Variants in MCPH1 observed in about 807,000 individuals in gnomAD.
MCPH1 encodes microcephalin 1.
In MCPH1, 104 loss-of-function variants were observed where a neutral mutation model predicts 84.5. The ratio of observed to expected loss-of-function variants is 1.23; its 90% confidence interval spans 1.05 to 1.45. The LOEUF is 1.45. Among genes scored for constraint, MCPH1 ranks in the 40% most tolerant of loss-of-function variants. The pLI is 0.00. For synonymous variants in MCPH1, 514 were observed against 366.8 expected, an observed-to-expected ratio of 1.40 and a Z score of -4.58; for missense variants, 1,498 against 1,005.7, an observed-to-expected ratio of 1.49 and a Z score of -6.62.
rs775640880 is a variant in MCPH1, at chr8:6,436,070, AT to A, written c.348del (p.Phe116LeufsTer30). Reference sequence around the variant, plus strand: ...CAGCGTAAATGTATGCAGCCCAAAGATTTTAATTTTAAAACACCAGAAAATG... The same window carrying A: ...CAGCGTAAATGTATGCAGCCCAAAGATTTAATTTTAAAACACCAGAAAATG... ...KKKRKCMQPK[D>X]FNFKTPENDK... is the part of the protein sequence containing the mutation. On this transcript the variant is annotated frameshift_variant, in exon 5 of 14. Transcript: ENST00000344683. LOFTEE classifies it high-confidence loss of function. 4 of 1,613,848 alleles carry A rather than the reference AT, an allele frequency of 2.5e-6. No individual in the cohort carries two copies. The highest frequency in any genetic ancestry group is 3.4e-6 in the Non-Finnish European group (4 of 1,179,862).
chr8:6,519,716 A>T, intron 12 of MCPH1: 1 of 930,518 alleles, frequency 1.1e-6, no homozygotes, highest in Non-Finnish European at 1.5e-6. Flanking sequence ...CAAGCACTCT[A>T]GGCGAGGTAG....
intron 9 of MCPH1, among the ~76,000 whole-genome samples, chr8:6,457,461 C>T (rs1486110673): frequency 6.6e-6 from 1 of 151,652 alleles, no homozygotes; most frequent in Middle Eastern, 3.2e-3. Flanking sequence ...AAAAATTGGC[C>T]AGGCCTGGTG....
At chr8:6,487,127 G>C (rs772881086) in intron 11 of MCPH1, among the ~76,000 whole-genome samples, 1 of 152,200 alleles carries the variant, frequency 6.6e-6, no homozygotes, top group Non-Finnish European at 1.5e-5. Context: ...TCTGATAATA[G>C]AGATTTAAAG....
At chr8:6,433,655 ACC>A (rs1563200987) in intron 4 of MCPH1, among the ~76,000 whole-genome samples, 27 of 143,930 alleles carry the variant, frequency 1.9e-4, no homozygotes, top group East Asian at 6.1e-4. Context: ...AAAAAAAAAA[ACC>A]TATTTCGTGA....
intron 12 of MCPH1, chr8:6,562,980 A>G: frequency 1.3e-6 from 2 of 1,543,098 alleles, no homozygotes; most frequent in African/African-American, 2.7e-5. Context: ...TTGAGGGCAA[A>G]CACACGTCCA....
At chr8:6,626,407 G>A in intron 13 of MCPH1, 1 of 984,464 alleles carries the variant, frequency 1.0e-6, no homozygotes, top group Non-Finnish European at 1.2e-6. Context: ...TTGTACTTGG[G>A]CCAAGATTCT....
At chr8:6,455,333 C>T in intron 9 of MCPH1, 81 bp downstream of exon 9, 1 of 999,320 alleles carries the variant, frequency 1.0e-6, no homozygotes, top group South Asian at 1.3e-5. Context: ...GAAACATAAA[C>T]CAGTCTATCT....
chr8:6,482,240 C>A (rs1459426886), intron 11 of MCPH1, among the ~76,000 whole-genome samples: 2 of 152,082 alleles, frequency 1.3e-5, no homozygotes, highest in Admixed American at 6.5e-5. Flanking sequence ...TGAACGTTGT[C>A]CACTTAATAT....
chr8:6,426,671 C>T (rs1801107621), intron 3 of MCPH1, among the ~76,000 whole-genome samples: 1 of 152,208 alleles, frequency 6.6e-6, no homozygotes, highest in Non-Finnish European at 1.5e-5. Context: ...GCTTTCATTT[C>T]TCTTGGGTCA....
chr8:6,591,094 T>A (rs1350549565), intron 12 of MCPH1, among the ~76,000 whole-genome samples: 1 of 152,198 alleles, frequency 6.6e-6, no homozygotes, highest in African/African-American at 2.4e-5. Context: ...GACGGGTTTC[T>A]CCATGTTGGT....
At chr8:6,428,011 T>G (rs1193799462) in intron 3 of MCPH1, among the ~76,000 whole-genome samples, 1 of 151,906 alleles carries the variant, frequency 6.6e-6, no homozygotes, top group Non-Finnish European at 1.5e-5. Context: ...CTGGATGGCC[T>G]TGAACCACTG....
intron 12 of MCPH1, among the ~76,000 whole-genome samples, chr8:6,611,656 T>C (rs1830277993): frequency 6.6e-6 from 1 of 151,958 alleles, no homozygotes; most frequent in African/African-American, 2.4e-5. Flanking sequence ...TCTCACTCTG[T>C]CTCCCAGGCT....
intron 2 of MCPH1, 98 bp from the exon 3 acceptor site, chr8:6,414,667 G>C: frequency 7.4e-7 from 1 of 1,351,878 alleles, no homozygotes; most frequent in Non-Finnish European, 1.0e-6. Flanking sequence ...GTCAGATGTT[G>C]AGAAACAGAA....
intron 11 of MCPH1, among the ~76,000 whole-genome samples, chr8:6,490,863 T>C (rs963823012): frequency 6.6e-6 from 1 of 151,904 alleles, no homozygotes; most frequent in Non-Finnish European, 1.5e-5. Flanking sequence ...TGGGTTCTTG[T>C]TTCTGAAAGA....
chr8:6,466,661 G>T (rs1473643964), intron 9 of MCPH1, among the ~76,000 whole-genome samples: 1 of 151,282 alleles, frequency 6.6e-6, no homozygotes, highest in African/African-American at 2.4e-5. Context: ...AGGATGGTCC[G>T]ATCTCCTGAC....
chr8:6,497,301 T>G (rs1811344580), intron 11 of MCPH1, among the ~76,000 whole-genome samples: 1 of 149,094 alleles, frequency 6.7e-6, no homozygotes, highest in African/African-American at 2.5e-5. Context: ...ACCAACACTG[T>G]GAAACCCCAT....
chr8:6,446,546 T>C, intron 8 of MCPH1: 1 of 983,116 alleles, frequency 1.0e-6, no homozygotes, highest in Non-Finnish European at 1.2e-6. Context: ...TGAACATATA[T>C]TAAATTTGAC....
chr8:6,532,573 T>TAAA (rs1427394273), intron 12 of MCPH1: 21 of 758,332 alleles, frequency 2.8e-5, no homozygotes, highest in Admixed American at 5.1e-5. Context: ...CTCCCTATCT[T>TAAA]TAAAAAAAAA....
intron 12 of MCPH1, among the ~76,000 whole-genome samples, chr8:6,574,446 C>T (rs952339490): frequency 4.6e-5 from 7 of 152,186 alleles, no homozygotes; most frequent in Admixed American, 6.5e-5. Context: ...CCTGCAGTGA[C>T]GCTACTTCCA....
Sources: gnomAD v4.1 joint callset for allele counts (sites outside exome capture counted in the v4.1 genomes callset) on GRCh38, gnomAD v4.1.1 for gene constraint, MANE v1.5 for transcripts, NCBI Gene and HGNC (gene_info 2026-07-23, HGNC 2026-07-21) for gene names.